PTPRN2: variants seen among roughly 807,000 people sequenced by gnomAD.
The protein encoded by PTPRN2 is protein tyrosine phosphatase receptor type N2.
PTPRN2 carries 74 observed loss-of-function variants against 118.8 expected under a neutral mutation model. The ratio of observed to expected loss-of-function variants is 0.62; its 90% CI spans 0.52 to 0.76. PTPRN2 has a LOEUF of 0.76. Ranked by LOEUF, PTPRN2 falls within the 30% of genes least tolerant of loss-of-function variation. The probability of loss-of-function intolerance (pLI) is 0.00; values close to 1 mark genes in which losing one functional copy is unlikely to be tolerated. For missense variants in PTPRN2, 1,481 were observed against 1,394.4 expected (o/e 1.06, Z -0.99); for synonymous variants, 641 against 608.0 (o/e 1.05, Z -0.80).
chr7:157,885,509 CA>C (rs1308388115), intron 12 of PTPRN2, among the ~76,000 whole-genome samples: 2 of 152,234 alleles, frequency 1.3e-5, no homozygotes, highest in African/African-American at 4.8e-5. Flanking sequence ...ACGCTGGAAA[CA>C]AGCCAAGTTC....
intron 11 of PTPRN2, among the ~76,000 whole-genome samples, chr7:157,981,295 G>A (rs1803123443): frequency 6.6e-6 from 1 of 150,534 alleles, no homozygotes; most frequent in South Asian, 2.1e-4. Context: ...TTCCATAGTC[G>A]GTGATGCTAT....
At chr7:157,776,392 C>CTCT (rs1803253604) in intron 12 of PTPRN2, among the ~76,000 whole-genome samples, 1 of 103,974 alleles carries the variant, frequency 9.6e-6, no homozygotes, top group Admixed American at 9.7e-5. Context: ...CTCTCCTCCT[C>CTCT]CTCCATCTCC....
intron 12 of PTPRN2, among the ~76,000 whole-genome samples, chr7:157,852,698 G>A (rs1409281542): frequency 2.6e-5 from 4 of 151,822 alleles, no homozygotes; most frequent in South Asian, 2.1e-4. Context: ...GTGAAACCCC[G>A]TCTCTACTAA....
In PTPRN2 at chr7:158,414,671, A is replaced by C. The variant is rs528153132; in HGVS notation, c.163+75064T>G. On this transcript the variant is annotated intron_variant, in intron 2 of 22. Transcript: ENST00000389418. ...TCCCCACCGAGGTCCTCGATCTGGCATAATTGCCGGCATTGTGCCGTGCCT... is the reference window on the plus strand; with the variant it reads ...TCCCCACCGAGGTCCTCGATCTGGCCTAATTGCCGGCATTGTGCCGTGCCT... 2.0e-5 allele frequency among the ~76,000 whole-genome samples: 3 copies of C among 152,352 alleles called. No homozygotes were observed. In the East Asian group the frequency reaches 5.8e-4, roughly 29 times the overall value.
chr7:158,194,485 T>C (rs1276284808), intron 4 of PTPRN2, among the ~76,000 whole-genome samples: 1 of 152,216 alleles, frequency 6.6e-6, no homozygotes, highest in African/African-American at 2.4e-5. Flanking sequence ...CTGAGAGCCA[T>C]GCTCAGCGAT....
Position 157,961,794 on chromosome 7 carries a change from A to G in PTPRN2, c.1724-63057T>C, listed in dbSNP as rs113107024. Among the ~76,000 whole-genome samples the G allele has an allele frequency of 4.5e-4, 68 of 152,350 alleles. 1 individual carries two copies. The highest frequency in any genetic ancestry group is 1.5e-3 in the African/African-American group (64 of 41,588). ...ACTCATATTCTAAGGCACTAAACAC[A>G]TGTGTCTACTTATGGGAGCCCGAAC... On this transcript the variant is annotated intron_variant, in intron 11 of 22. Coordinates refer to ENST00000389418, the MANE Select transcript of PTPRN2 (RefSeq NM_002847.5).
Position 158,330,008 on chromosome 7 carries a change from C to T in PTPRN2, c.164-13076G>A, listed in dbSNP as rs377563841. On this transcript the variant is annotated intron_variant, in intron 2 of 22. Transcript: ENST00000389418. ...AGCTCACGCCCGCAGACGACACTCA[C>T]ACCCACACTCTCACCATAAGAGGTG... 2.1e-4 allele frequency among the ~76,000 whole-genome samples: 32 copies of T among 151,512 alleles called. No homozygotes were observed. The South Asian group carries it at 3.5e-3, about 17-fold the overall frequency.
chr7:158,007,850 T>C (rs1264545076), intron 11 of PTPRN2, among the ~76,000 whole-genome samples: 3 of 139,984 alleles, frequency 2.1e-5, no homozygotes, highest in Non-Finnish European at 3.1e-5. Flanking sequence ...GGTGTGTGTG[T>C]GCTGCATGTG....
chr7:158,338,575 C>T (rs369010812), intron 2 of PTPRN2, among the ~76,000 whole-genome samples: 40 of 87,140 alleles, frequency 4.6e-4, no homozygotes, highest in African/African-American at 7.4e-4. Context: ...AGACGTCACT[C>T]ACACCCACAC....
At chr7:157,911,411 CAT>C (rs776676726) in intron 11 of PTPRN2, among the ~76,000 whole-genome samples, 281 of 152,286 alleles carry the variant, frequency 1.8e-3, no homozygotes, top group Non-Finnish European at 3.2e-3. Flanking sequence ...CACCTACTGA[CAT>C]GTGTATAACG....
intron 3 of PTPRN2, among the ~76,000 whole-genome samples, chr7:158,268,172 G>A (rs1361417192): frequency 1.3e-5 from 2 of 152,218 alleles, no homozygotes; most frequent in Non-Finnish European, 2.9e-5. Context: ...GTGAATCAGT[G>A]ACACAATGCC....
intron 12 of PTPRN2, among the ~76,000 whole-genome samples, chr7:157,774,301 T>G (rs989698502): frequency 6.6e-6 from 1 of 152,250 alleles, no homozygotes; most frequent in Non-Finnish European, 1.5e-5. Context: ...CCATGATGTC[T>G]TTATACAACA....
intron 12 of PTPRN2, among the ~76,000 whole-genome samples, chr7:157,820,046 GCAC>G (rs1290582256): frequency 7.0e-6 from 1 of 143,448 alleles, no homozygotes; most frequent in Non-Finnish European, 1.5e-5. Context: ...AGTCACACAT[GCAC>G]CACCACACAC....
intron 1 of PTPRN2, among the ~76,000 whole-genome samples, chr7:158,504,019 A>T (rs73528629): frequency 0.022 from 3,277 of 152,180 alleles, 113 homozygotes; most frequent in African/African-American, 0.075. Context: ...ATTATTGGGA[A>T]TTGTTTTATA....
chr7:158,297,110 C>T (rs772214716), intron 3 of PTPRN2, among the ~76,000 whole-genome samples: 37 of 152,250 alleles, frequency 2.4e-4, no homozygotes, highest in Non-Finnish European at 4.8e-4. Context: ...ATCCTGGGAG[C>T]TCTCAGGATC....
At chr7:157,803,320 C>T (rs1013827106) in intron 12 of PTPRN2, among the ~76,000 whole-genome samples, 1 of 152,144 alleles carries the variant, frequency 6.6e-6, no homozygotes, top group Non-Finnish European at 1.5e-5. Flanking sequence ...CAAATATTTC[C>T]TCCCCGGTGA....
rs928912003 is a variant in PTPRN2 at position 158,587,591 on chromosome 7, C to T, written c.79G>A (p.Val27Ile). The change falls in exon 1 of 23, where the codon GTC becomes ATC. Residue 27 changes from valine (V) to isoleucine (I), a missense_variant. Val to Ile is a conservative substitution (Grantham distance 29). This residue lies in a region of PTPRN2 where 1,115 missense variants were observed against 994.2 expected (regional missense o/e 1.12). Coordinates refer to ENST00000389418, the MANE Select transcript of PTPRN2 (RefSeq NM_002847.5). ...PRVLPAAPSS[V>I]PRGRQLPGRL... ...CCCGGGAGCTGCCGGCCGCGGGGGA[C>T]GGACGAAGGGGCGGCAGGCAGGACG... The T allele has an allele frequency of 1.5e-6, 2 of 1,339,068 alleles. No homozygotes were observed. Among genetic ancestry groups the T allele is most frequent in the Non-Finnish European group, 1.9e-6 (2 of 1,050,212 alleles). 82.9% of individuals were successfully genotyped at this position (1,339,068 alleles called of 1,614,324 possible). A position where few individuals can be genotyped will look rare whatever the true frequency, so the allele number is the denominator to read the frequency against.
At chr7:158,234,200 AT>A (rs1829362475) in intron 3 of PTPRN2, among the ~76,000 whole-genome samples, 1 of 152,140 alleles carries the variant, frequency 6.6e-6, no homozygotes, top group African/African-American at 2.4e-5. Flanking sequence ...AATGGAGAAA[AT>A]ATATGTAAAC....
chr7:158,587,646 C>G lies in PTPRN2; in HGVS notation c.24G>C (p.Leu8=), dbSNP rs1586993874. The change falls in exon 1 of 23, where the codon CTG becomes CTC. Residue 8 remains leucine (L), a synonymous_variant. Coordinates refer to ENST00000389418, the MANE Select transcript of PTPRN2 (RefSeq NM_002847.5). The part of the protein sequence containing the change: MGPPLPL[L]LLLLLLLPPR... ...GCGGCAGCAGCAGCAGTAGCAGCAGCAGCAGCGGGAGCGGCGGCCCCATCC... is the reference window on the plus strand; with the variant it reads ...GCGGCAGCAGCAGCAGTAGCAGCAGGAGCAGCGGGAGCGGCGGCCCCATCC... 39 of 1,366,290 alleles carry G rather than the reference C, an allele frequency of 2.9e-5. No individual in the cohort carries two copies. Among genetic ancestry groups the G allele is most frequent in the Non-Finnish European group, 3.6e-5 (38 of 1,062,578 alleles). 84.6% of individuals were successfully genotyped at this position (1,366,290 alleles called of 1,614,324 possible).
Sources: allele counts gnomAD v4.1 joint callset (sites outside exome capture counted in the v4.1 genomes callset), GRCh38; gene constraint gnomAD v4.1.1; regional missense constraint gnomAD v4.1.1; transcripts MANE v1.5; gene names NCBI Gene and HGNC (gene_info 2026-07-23, HGNC 2026-07-21).